The following SPACA1 variants were observed in gnomAD, a reference collection of about 807,000 sequenced individuals.
SPACA1 encodes the protein sperm acrosome associated 1.
SPACA1 carries 17 observed loss-of-function variants against 32.6 expected under a neutral mutation model. That is an observed-to-expected ratio of 0.52 (90% confidence interval 0.36 to 0.78). The LOEUF (loss-of-function observed/expected upper bound fraction) is 0.78. Among genes scored for constraint, SPACA1 ranks in the 30% least tolerant of loss-of-function variants. SPACA1 has a pLI of 0.01. For synonymous variants in SPACA1, 140 were observed against 138.1 expected, an observed-to-expected ratio of 1.01 and a Z score of -0.10; for missense variants, 363 against 373.4, an observed-to-expected ratio of 0.97 and a Z score of 0.23.
intron 1 of SPACA1, among the ~76,000 whole-genome samples, chr6:88,051,157 AAAGAT>A: frequency 6.6e-6 from 1 of 152,134 alleles, no homozygotes; most frequent in Non-Finnish European, 1.5e-5. Flanking sequence ...AAAAAAAAAA[AAAGAT>A]AATAGATTTA....
chr6:88,057,834 C>T, intron 3 of SPACA1, 121 bp downstream of exon 3: 1 of 700,368 alleles, frequency 1.4e-6, no homozygotes, highest in South Asian at 1.8e-5. Flanking sequence ...CAAAGGAAAT[C>T]ATAAAATTTT....
At chr6:88,058,282 C>G (rs891468114) in intron 3 of SPACA1, among the ~76,000 whole-genome samples, 4 of 152,168 alleles carry the variant, frequency 2.6e-5, no homozygotes, top group Non-Finnish European at 5.9e-5. Flanking sequence ...GTCTTCTGTT[C>G]CTCTACACTC....
intron 1 of SPACA1, among the ~76,000 whole-genome samples, chr6:88,052,930 G>A (rs1186231084): frequency 6.6e-6 from 1 of 151,830 alleles, no homozygotes; most frequent in African/African-American, 2.4e-5. Context: ...ATCAAAATAG[G>A]GGAAAAAAAC....
Position 88,048,044 on chromosome 6 carries a change from G to A in SPACA1, c.139G>A (p.Gly47Ser), listed in dbSNP as rs1175053393. ...TGCCGGCCTGGCCCACGAAGGCGAG[G>A]GCGAGGAGGAGACCGAAAACAACGA... ...QDAGLAHEGE[G>S]EEETENNDSE... The change falls in exon 1 of 7, where the codon GGC becomes AGC. Residue 47 changes from glycine (G) to serine (S), a missense_variant. Transcript: ENST00000237201. The A allele has an allele frequency of 1.9e-6, 3 of 1,603,288 alleles. No individual in the cohort carries two copies. The highest frequency in any genetic ancestry group is 1.1e-5 in the South Asian group (1 of 88,410).
At chr6:88,063,092 C>T (rs1465155899) in intron 5 of SPACA1, among the ~76,000 whole-genome samples, 1 of 152,122 alleles carries the variant, frequency 6.6e-6, no homozygotes, top group Non-Finnish European at 1.5e-5. Context: ...AAGCCAAAAT[C>T]TGGTAGAAAA....
At chr6:88,059,144 T>A (rs1051538004) in intron 4 of SPACA1, among the ~76,000 whole-genome samples, 1 of 152,232 alleles carries the variant, frequency 6.6e-6, no homozygotes, top group African/African-American at 2.4e-5. Context: ...TAAGGGTTTA[T>A]TAAGTGCCAG....
At chr6:88,060,741 G>A (rs1167049832) in intron 5 of SPACA1, among the ~76,000 whole-genome samples, 3 of 152,112 alleles carry the variant, frequency 2.0e-5, no homozygotes, top group Non-Finnish European at 2.9e-5. Context: ...ACTAGCCCTC[G>A]TTCATGATAT....
rs375443492 is a variant in SPACA1, at chr6:88,056,856, A to G, written c.266-756A>G. Among the ~76,000 whole-genome samples, 11 of 152,106 alleles carry G rather than the reference A, an allele frequency of 7.2e-5. 1 individual carries two copies. The East Asian group carries it at 9.6e-4, about 13-fold the overall frequency. ...CTGGAATTCTGAGATCAGTTAGGAGAGTTAAGTTCTTGTTACAAAAAGTGT... is the reference window on the plus strand; with the variant it reads ...CTGGAATTCTGAGATCAGTTAGGAGGGTTAAGTTCTTGTTACAAAAAGTGT... On this transcript the variant is annotated intron_variant, in intron 2 of 6. Coordinates refer to ENST00000237201, the MANE Select transcript of SPACA1 (RefSeq NM_030960.3).
chr6:88,048,669 GGACAAAGGAATGGAGCAGTAGAAAACAC>G (rs1442123339), intron 1 of SPACA1, among the ~76,000 whole-genome samples: 2 of 152,156 alleles, frequency 1.3e-5, no homozygotes, highest in African/African-American at 4.8e-5. Context: ...GTGCGGCCTC[GGACAAAGGAATGGAGCAGTAGAAAACAC>G]CTGTCAAGGG....
intron 2 of SPACA1, among the ~76,000 whole-genome samples, chr6:88,055,459 A>G (rs1395433707): frequency 6.6e-6 from 1 of 152,220 alleles, no homozygotes; most frequent in Non-Finnish European, 1.5e-5. Flanking sequence ...GAAAAGCAAT[A>G]TTTCATGCCG....
chr6:88,064,001 T>C lies in SPACA1; in HGVS notation c.611-98T>C, dbSNP rs2276091. 856 of 1,351,110 alleles carry C rather than the reference T, an allele frequency of 6.3e-4. 14 individuals are homozygous for C. The East Asian group carries it at 0.021, about 33-fold the overall frequency. 83.7% of individuals were successfully genotyped at this position (1,351,110 alleles called of 1,614,324 possible). ...TTTCTCTGCACTAAGCATTTCTTTA[T>C]GTTTCTAGAGTTGTTTTTCAAATAT... is the stretch of plus-strand genomic sequence containing the variant. On this transcript the variant is annotated intron_variant, in intron 5 of 6. Transcript: ENST00000237201.
upstream of SPACA1, chr6:88,047,778 C>A: frequency 1.1e-6 from 1 of 894,412 alleles, no homozygotes; most frequent in Non-Finnish European, 1.6e-6. Context: ...ACCATTGAGG[C>A]GTCACGGTTC....
Position 88,066,387 on chromosome 6 carries a change from T to C in SPACA1, c.*52T>C. 1 of 1,453,434 alleles carries C rather than the reference T, an allele frequency of 6.9e-7. No homozygotes were observed. Among genetic ancestry groups the C allele is most frequent in the Non-Finnish European group, 9.2e-7 (1 of 1,087,172 alleles). 90.0% of individuals were successfully genotyped at this position (1,453,434 alleles called of 1,614,324 possible). A position where few individuals can be genotyped will look rare whatever the true frequency, so the allele number is the denominator to read the frequency against. On this transcript the variant is annotated 3_prime_UTR_variant, in exon 7 of 7. Coordinates refer to ENST00000237201, the MANE Select transcript of SPACA1 (RefSeq NM_030960.3). ...AGGATATTACAGAATATTAGATTCA[T>C]TATTACAAAAATAAAATACACATTG...
In SPACA1 at chr6:88,047,953, C is replaced by T. The variant is rs570807749; in HGVS notation, c.48C>T (p.Val16=). The T allele has an allele frequency of 1.4e-5, 22 of 1,570,834 alleles. No homozygotes were observed. The highest frequency in any genetic ancestry group is 1.6e-5 in the Non-Finnish European group (19 of 1,158,924). Residue 16 remains valine (V), a synonymous_variant, in exon 1 of 7, where the codon GTC becomes GTT. Transcript: ENST00000237201. The stretch of plus-strand genomic sequence containing the variant: ...GCTCCGCCGGGCTGCTGATGACTGT[C>T]GGCTGGCTGCTTCTGGCGGGCCTCC... The part of the protein sequence containing the change: ...TGCSAGLLMT[V]GWLLLAGLQS...
chr6:88,054,926 G>T (rs1281889218), intron 2 of SPACA1, among the ~76,000 whole-genome samples: 1 of 152,034 alleles, frequency 6.6e-6, no homozygotes, highest in Admixed American at 6.6e-5. Flanking sequence ...CCCATCTCGA[G>T]AACTTTTTTA....
chr6:88,047,896 G>T lies in SPACA1; in HGVS notation c.-10G>T. 1 of 1,538,492 alleles carries T rather than the reference G, an allele frequency of 6.5e-7. No homozygotes were observed. The highest frequency in any genetic ancestry group is 1.4e-5 in the African/African-American group (1 of 73,060). Reference sequence around the variant, plus strand: ...GACTGCGCCTCGGACGGCCGTCGGGGCCGAGAACCATGAGCCCCAGGGGCA... The same window carrying T: ...GACTGCGCCTCGGACGGCCGTCGGGTCCGAGAACCATGAGCCCCAGGGGCA... On this transcript the variant is annotated 5_prime_UTR_variant, in exon 1 of 7. Transcript: ENST00000237201.
chr6:88,066,203 G>C lies in SPACA1; in HGVS notation c.753G>C (p.Trp251Cys). 6.3e-7 allele frequency: 1 copy of C among 1,588,532 alleles called. No homozygotes were observed. The highest frequency in any genetic ancestry group is 8.6e-7 in the Non-Finnish European group (1 of 1,165,688). Residue 251 changes from tryptophan to cysteine, a missense_variant, in exon 7 of 7, where the codon TGG (tryptophan) becomes TGC (cysteine). By Grantham distance (215) the Trp-to-Cys change is radical. Coordinates refer to ENST00000237201, the MANE Select transcript of SPACA1 (RefSeq NM_030960.3). ...CCAGGGCAGCAGTCAAGGCTTTCTG[G>C]GGGGCAAAAGCCTCTACACCTGAGG... Reference protein sequence around the residue: ...IINWAAVKAFWGAKASTPEVQ... With the variant: ...IINWAAVKAFCGAKASTPEVQ...
At chr6:88,058,879 T>G (rs1218418208) in intron 4 of SPACA1, 57 bp downstream of exon 4, 1 of 1,190,162 alleles carries the variant, frequency 8.4e-7, no homozygotes. Flanking sequence ...AATTTGTTTC[T>G]CAGTTCTGAT....
chr6:88,047,923 G>T lies in SPACA1; in HGVS notation c.18G>T (p.Thr6=). The T allele has an allele frequency of 1.3e-6, 2 of 1,559,516 alleles. No homozygotes were observed. Among genetic ancestry groups the T allele is most frequent in the Non-Finnish European group, 1.7e-6 (2 of 1,152,742 alleles). Residue 6 remains threonine (T), a synonymous_variant, in exon 1 of 7, where the codon ACG becomes ACT. Coordinates refer to ENST00000237201, the MANE Select transcript of SPACA1 (RefSeq NM_030960.3). The stretch of plus-strand genomic sequence containing the variant: ...CGAGAACCATGAGCCCCAGGGGCAC[G>T]GGCTGCTCCGCCGGGCTGCTGATGA... MSPRG[T]GCSAGLLMTV...
Sources: gnomAD v4.1 joint callset for allele counts (sites outside exome capture counted in the v4.1 genomes callset) on GRCh38, gnomAD v4.1.1 for gene constraint, MANE v1.5 for transcripts, NCBI Gene and HGNC (gene_info 2026-07-23, HGNC 2026-07-21) for gene names.